The following KHDC1 variants were observed in gnomAD, a reference collection of about 807,000 sequenced individuals.
KHDC1 encodes the protein KH domain containing 1.
Under a neutral mutation model 24.7 loss-of-function variants are expected in KHDC1, and 21 were observed. The ratio of observed to expected loss-of-function variants is 0.85; its 90% confidence interval spans 0.60 to 1.23. KHDC1 has a LOEUF of 1.23. KHDC1 is among the 50% of genes most tolerant of loss of function. KHDC1 has a pLI of 0.00. For missense variants in KHDC1, 274 were observed against 298.5 expected, an observed-to-expected ratio of 0.92 and a Z score of 0.61; for synonymous variants, 98 against 111.7, an observed-to-expected ratio of 0.88 and a Z score of 0.77.
At chr6:73,275,013 A>C (rs1207539204) in intron 2 of KHDC1, 1 of 152,286 alleles carries the variant, frequency 6.6e-6, no homozygotes, top group Non-Finnish European at 1.5e-5. Context: ...AATCTAGAGC[A>C]GTCTTGTCCT....
chr6:73,263,611 TGGG>T lies in KHDC1; in HGVS notation c.207-21084_207-21082del, dbSNP rs10611256. 7.6e-4 allele frequency among the ~76,000 whole-genome samples: 107 copies of T among 141,422 alleles called. 1 individual carries two copies. Among genetic ancestry groups the T allele is most frequent in the African/African-American group, 2.5e-3 (94 of 36,988 alleles). The allele number at this position is 141,422 out of a possible 152,430, so 92.8% of individuals were successfully genotyped here. On this transcript the variant is annotated intron_variant, in intron 2 of 4. Transcript: ENST00000370384. ...TGTTGCCTGGGGAGGGGTGTCGCGG[TGGG>T]GGGGGGGGTGACCCAGGCCCACCCT... is the stretch of plus-strand genomic sequence containing the variant.
intron 2 of KHDC1, among the ~76,000 whole-genome samples, chr6:73,243,615 A>C (rs1475592213): frequency 6.6e-6 from 1 of 152,264 alleles, no homozygotes; most frequent in Admixed American, 6.5e-5. Flanking sequence ...AATAGTTATT[A>C]ATCCTAGCAA....
chr6:73,307,061 C>A (rs1024758331), intron 1 of KHDC1, among the ~76,000 whole-genome samples: 1 of 151,958 alleles, frequency 6.6e-6, no homozygotes, highest in East Asian at 1.9e-4. Flanking sequence ...ACACAACTAC[C>A]TTTTGAAAAT....
At chr6:73,273,675 G>A (rs958948108) in intron 2 of KHDC1, among the ~76,000 whole-genome samples, 6 of 151,828 alleles carry the variant, frequency 4.0e-5, no homozygotes, top group African/African-American at 1.4e-4. Context: ...AATTAGCCGG[G>A]CGTGGTGGCA....
chr6:73,305,834 A>G (rs1163161095), intron 1 of KHDC1, among the ~76,000 whole-genome samples: 1 of 151,868 alleles, frequency 6.6e-6, no homozygotes, highest in Non-Finnish European at 1.5e-5. Context: ...TAATTTTTGT[A>G]TTTTTAGTAG....
intron 2 of KHDC1, among the ~76,000 whole-genome samples, chr6:73,271,049 G>T (rs1279983371): frequency 2.0e-5 from 3 of 152,022 alleles, no homozygotes; most frequent in Non-Finnish European, 2.9e-5. Flanking sequence ...GTAAATGATG[G>T]CAGTGTTTTT....
At chr6:73,277,281 A>G (rs1271963249) in intron 2 of KHDC1, among the ~76,000 whole-genome samples, 1 of 152,182 alleles carries the variant, frequency 6.6e-6, no homozygotes, top group African/African-American at 2.4e-5. Context: ...CCTACCCAAC[A>G]TGGTGAAACC....
At chr6:73,298,555 C>A (rs1242825393) in intron 1 of KHDC1, among the ~76,000 whole-genome samples, 1 of 150,508 alleles carries the variant, frequency 6.6e-6, no homozygotes, top group Non-Finnish European at 1.5e-5. Context: ...CCTGCCTCAG[C>A]CTCCCGAGTA....
intron 1 of KHDC1, among the ~76,000 whole-genome samples, chr6:73,301,929 T>A (rs1307399075): frequency 1.3e-5 from 2 of 152,278 alleles, no homozygotes; most frequent in African/African-American, 2.4e-5. Context: ...GCACCCTGTC[T>A]GCTGCCATAT....
chr6:73,271,924 A>C (rs535067410), intron 2 of KHDC1, among the ~76,000 whole-genome samples: 2 of 151,892 alleles, frequency 1.3e-5, no homozygotes, highest in South Asian at 2.1e-4. Flanking sequence ...GAGGTTGATC[A>C]GTATGTACTG....
chr6:73,241,398 A>G lies in KHDC1; in HGVS notation c.*131T>C, dbSNP rs932691641. On this transcript the variant is annotated 3_prime_UTR_variant, in exon 5 of 5. Coordinates refer to ENST00000370384, the Ensembl canonical transcript of KHDC1. ...CAAGAGACTTCCCTCAGACATGTCTAGAAGACCTGAGAGGGACAGGTCCCG... is the reference window on the plus strand; with the variant it reads ...CAAGAGACTTCCCTCAGACATGTCTGGAAGACCTGAGAGGGACAGGTCCCG... The G allele has an allele frequency of 8.9e-6, 7 of 784,650 alleles. No homozygotes were observed. The African/African-American group carries it at 1.2e-4, about 13-fold the overall frequency. 48.6% of individuals were successfully genotyped at this position (784,650 alleles called of 1,614,324 possible).
chr6:73,242,007 G>C (rs1360637206), intron 4 of KHDC1, 48 bp downstream of exon 3: 1 of 1,561,724 alleles, frequency 6.4e-7, no homozygotes, highest in Non-Finnish European at 8.7e-7. Context: ...AACTTAGCCA[G>C]AACTCCACCA....
chr6:73,258,810 T>C (rs1766927101), intron 2 of KHDC1, among the ~76,000 whole-genome samples: 1 of 152,222 alleles, frequency 6.6e-6, no homozygotes, highest in South Asian at 2.1e-4. Flanking sequence ...CTGGATCACA[T>C]AAGTTAATGT....
intron 2 of KHDC1, among the ~76,000 whole-genome samples, chr6:73,254,167 A>G (rs1002366003): frequency 6.6e-6 from 1 of 152,104 alleles, no homozygotes; most frequent in Non-Finnish European, 1.5e-5. Flanking sequence ...TAATAAATAT[A>G]AAAAGATTCA....
intron 2 of KHDC1, among the ~76,000 whole-genome samples, chr6:73,289,617 T>C (rs566238853): frequency 6.6e-6 from 1 of 151,576 alleles, no homozygotes; most frequent in African/African-American, 2.4e-5. Flanking sequence ...GCCACTGCAC[T>C]CCAGCCTGGG....
chr6:73,309,813 C>G (rs537269665), exon 1 of KHDC1: 1 of 1,406,746 alleles, frequency 7.1e-7, no homozygotes, highest in Admixed American at 2.6e-5. Flanking sequence ...AGACCAGACA[C>G]CGACGGAGAA....
intron 1 of KHDC1, among the ~76,000 whole-genome samples, chr6:73,305,339 CTG>C (rs10568546): frequency 0.63 from 96,003 of 151,670 alleles, 34,112 homozygotes; most frequent in Non-Finnish European, 0.78. Context: ...TTCAATGAAA[CTG>C]TTATCTATTT....
chr6:73,253,519 G>A (rs1258307213), intron 2 of KHDC1, among the ~76,000 whole-genome samples: 1 of 151,786 alleles, frequency 6.6e-6, no homozygotes, highest in Non-Finnish European at 1.5e-5. Flanking sequence ...CACCACTGCA[G>A]TCCAGCCTGG....
At chr6:73,305,820 C>A (rs1767951984) in intron 1 of KHDC1, among the ~76,000 whole-genome samples, 1 of 152,068 alleles carries the variant, frequency 6.6e-6, no homozygotes, top group African/African-American at 2.4e-5. Flanking sequence ...CCACCACACC[C>A]CGCTAATTTT....
Sources: gnomAD v4.1 joint callset for allele counts (sites outside exome capture counted in the v4.1 genomes callset) on GRCh38, gnomAD v4.1.1 for gene constraint, MANE v1.5 for transcripts, NCBI Gene and HGNC (gene_info 2026-07-23, HGNC 2026-07-21) for gene names.